The following FTO variants were observed in gnomAD, a reference collection of about 807,000 sequenced individuals.
The protein encoded by FTO is FTO alpha-ketoglutarate dependent dioxygenase.
Under a neutral mutation model 63.9 loss-of-function variants are expected in FTO, and 47 were observed. The observed-to-expected ratio is 0.74, with a 90% CI of 0.58 to 0.94. The LOEUF (loss-of-function observed/expected upper bound fraction) is 0.94, where lower values mean the gene tolerates loss of function less well. Ranked by LOEUF, FTO falls within the 40% of genes least tolerant of loss-of-function variation. The pLI, the probability that FTO is intolerant of heterozygous loss-of-function variation, is 0.00. For missense variants in FTO, 562 were observed against 618.1 expected (o/e 0.91, Z 0.96); for synonymous variants, 207 against 224.4 (o/e 0.92, Z 0.69).
At chr16:54,067,229 T>C (rs868738284) in intron 8 of FTO, among the ~76,000 whole-genome samples, 5 of 152,166 alleles carry the variant, frequency 3.3e-5, no homozygotes, top group Non-Finnish European at 5.9e-5. Flanking sequence ...CCTTTTGCTT[T>C]TTATAGTCTT....
intron 1 of FTO, among the ~76,000 whole-genome samples, chr16:53,745,052 T>C (rs1198477357): frequency 6.6e-6 from 1 of 152,226 alleles, no homozygotes; most frequent in Admixed American, 6.5e-5. Flanking sequence ...ACATAAGAAC[T>C]GTAGCTTGGA....
At chr16:53,953,158 C>T (rs543638154) in intron 8 of FTO, among the ~76,000 whole-genome samples, 2 of 152,156 alleles carry the variant, frequency 1.3e-5, no homozygotes, top group South Asian at 2.1e-4. Flanking sequence ...TTTGTCATTT[C>T]GACTTGAAGC....
chr16:54,002,109 T>C (rs537703081), intron 8 of FTO, among the ~76,000 whole-genome samples: 18 of 152,348 alleles, frequency 1.2e-4, no homozygotes, highest in Non-Finnish European at 2.5e-4. Flanking sequence ...CTTTTATCTG[T>C]TATAAAGCTA....
At chr16:54,092,750 G>A (rs2086422032) in intron 8 of FTO, among the ~76,000 whole-genome samples, 1 of 152,172 alleles carries the variant, frequency 6.6e-6, no homozygotes, top group African/African-American at 2.4e-5. Flanking sequence ...ACGTTAACTT[G>A]GAACCAGTTA....
intron 1 of FTO, among the ~76,000 whole-genome samples, chr16:53,786,600 G>A (rs76804286): frequency 0.012 from 1,752 of 152,230 alleles, 30 homozygotes; most frequent in Non-Finnish European, 0.02. Context: ...GGTTCCTTGC[G>A]ACTGCTGTGA....
intron 8 of FTO, among the ~76,000 whole-genome samples, chr16:54,084,916 A>T (rs1388035878): frequency 6.6e-6 from 1 of 152,222 alleles, no homozygotes; most frequent in Non-Finnish European, 1.5e-5. Context: ...ACTCAACTCA[A>T]GCAGGTCAAA....
chr16:53,789,910 T>A (rs1431442713), intron 1 of FTO, among the ~76,000 whole-genome samples: 1 of 146,356 alleles, frequency 6.8e-6, no homozygotes, highest in Admixed American at 6.8e-5. Flanking sequence ...TATATACAAA[T>A]TATATATATA....
intron 8 of FTO, among the ~76,000 whole-genome samples, chr16:54,059,950 A>T (rs1468150450): frequency 6.6e-6 from 1 of 152,098 alleles, no homozygotes; most frequent in African/African-American, 2.4e-5. Context: ...TACAAAATAA[A>T]ACGTGTTTTA....
chr16:53,763,204 T>G (rs1441976589), intron 1 of FTO, among the ~76,000 whole-genome samples: 1 of 152,194 alleles, frequency 6.6e-6, no homozygotes, highest in Non-Finnish European at 1.5e-5. Flanking sequence ...AAAACAAATG[T>G]GCCAACCAAT....
chr16:53,817,833 G>A (rs2078740683), intron 2 of FTO, among the ~76,000 whole-genome samples: 1 of 152,080 alleles, frequency 6.6e-6, no homozygotes, highest in Admixed American at 6.5e-5. Context: ...TGGCATGCTG[G>A]CATTTTATAT....
intron 4 of FTO, among the ~76,000 whole-genome samples, chr16:53,854,560 A>G (rs2079920657): frequency 6.6e-6 from 1 of 151,806 alleles, no homozygotes; most frequent in African/African-American, 2.4e-5. Context: ...TCCCTTTTCC[A>G]GTATATCCTT....
At chr16:53,990,634 A>C (rs1269336435) in intron 8 of FTO, among the ~76,000 whole-genome samples, 2 of 128,488 alleles carry the variant, frequency 1.6e-5, no homozygotes, top group Non-Finnish European at 3.2e-5. Context: ...CATGCTTTGC[A>C]TACATTTCTT....
chr16:53,709,221 T>G (rs2075707249), intron 1 of FTO, among the ~76,000 whole-genome samples: 1 of 152,224 alleles, frequency 6.6e-6, no homozygotes, highest in Non-Finnish European at 1.5e-5. Context: ...TTTCCAAGTC[T>G]GGAGGGTGAA....
chr16:54,095,965 C>G (rs1199122811), intron 8 of FTO, among the ~76,000 whole-genome samples: 1 of 152,226 alleles, frequency 6.6e-6, no homozygotes, highest in African/African-American at 2.4e-5. Flanking sequence ...TCCAGTCCCC[C>G]TTGCTAGCAG....
intron 8 of FTO, among the ~76,000 whole-genome samples, chr16:54,101,615 C>T (rs550166987): frequency 2.6e-4 from 39 of 152,234 alleles, no homozygotes; most frequent in African/African-American, 7.9e-4. Flanking sequence ...AATAGTGCTG[C>T]GGTGAACATT....
chr16:53,899,760 T>G (rs2081357412), intron 7 of FTO, among the ~76,000 whole-genome samples: 1 of 152,096 alleles, frequency 6.6e-6, no homozygotes, highest in South Asian at 2.1e-4. Context: ...GGGACGGGAA[T>G]AGGGGAATAC....
At chr16:53,806,080 T>A (rs1837389708) in intron 1 of FTO, among the ~76,000 whole-genome samples, 1 of 152,230 alleles carries the variant, frequency 6.6e-6, no homozygotes, top group South Asian at 2.1e-4. Flanking sequence ...CGCATTTTAA[T>A]GTTGTGTGTT....
chr16:53,756,586 A>G (rs556233535), intron 1 of FTO, among the ~76,000 whole-genome samples: 1 of 152,340 alleles, frequency 6.6e-6, no homozygotes, highest in South Asian at 2.1e-4. Flanking sequence ...AAAGATTCTT[A>G]ACACAACCCT....
At chr16:53,856,787 A>G (rs867269086) in intron 4 of FTO, among the ~76,000 whole-genome samples, 2 of 152,048 alleles carry the variant, frequency 1.3e-5, no homozygotes, top group South Asian at 2.1e-4. Context: ...GATGATCTCA[A>G]GGTACATAAG....
Sources: gnomAD v4.1 joint callset for allele counts (sites outside exome capture counted in the v4.1 genomes callset) on GRCh38, gnomAD v4.1.1 for gene constraint, MANE v1.5 for transcripts, NCBI Gene and HGNC (gene_info 2026-07-23, HGNC 2026-07-21) for gene names.